TTK: variants seen among roughly 807,000 people sequenced by gnomAD.
TTK encodes the protein dual specificity protein kinase TTK.
A neutral mutation model predicts 117.3 loss-of-function variants in TTK; 59 were observed. The observed-to-expected ratio is 0.50, with a 90% CI of 0.41 to 0.62. The LOEUF is 0.62. Ranked by LOEUF, TTK falls within the 20% of genes least tolerant of loss-of-function variation. The pLI is 0.00. For missense variants in TTK, 921 were observed against 989.4 expected (o/e 0.93, Z 0.93); for synonymous variants, 302 against 325.0 (o/e 0.93, Z 0.76).
At chr6:80,016,113 T>G (rs1767300961) in intron 10 of TTK, among the ~76,000 whole-genome samples, 1 of 152,226 alleles carries the variant, frequency 6.6e-6, no homozygotes, top group African/African-American at 2.4e-5. Context: ...AGTGTAAATA[T>G]AGTATAATTT....
At chr6:80,018,705 T>C (rs528093215) in intron 10 of TTK, among the ~76,000 whole-genome samples, 1 of 152,204 alleles carries the variant, frequency 6.6e-6, no homozygotes, top group Non-Finnish European at 1.5e-5. Context: ...TTGTTATAAT[T>C]GCTATGACCT....
Position 80,007,992 on chromosome 6 carries a change from G to T in TTK, c.323G>T (p.Ser108Ile), listed in dbSNP as rs1391204580. The change falls in exon 3 of 22, where the codon AGT becomes ATT. Residue 108 changes from serine to isoleucine, a missense_variant. Coordinates refer to ENST00000369798, the MANE Select transcript of TTK (RefSeq NM_003318.5). ...CCAGATAAATATGGCCAAAATGAGA[G>T]TTTTGCTAGAATTCAAGTGAGATTT... ...LPPDKYGQNE[S>I]FARIQVRFAE... is the part of the protein sequence containing the mutation. 5.2e-5 allele frequency: 71 copies of T among 1,365,068 alleles called. No individual in the cohort carries two copies. The highest frequency in any genetic ancestry group is 3.7e-4 in the Middle Eastern group (2 of 5,426). The allele number at this position is 1,365,068 out of a possible 1,614,324, so 84.6% of individuals were successfully genotyped here. A position where few individuals can be genotyped will look rare whatever the true frequency, so the allele number is the denominator to read the frequency against.
chr6:80,030,217 CT>C (rs34781789), intron 13 of TTK, among the ~76,000 whole-genome samples: 1,590 of 152,238 alleles, frequency 0.01, 11 homozygotes, highest in Non-Finnish European at 0.017. Flanking sequence ...ATCAGGAGGT[CT>C]TTTTGTTTCA....
chr6:80,032,615 G>A (rs1767788480), intron 14 of TTK, among the ~76,000 whole-genome samples: 1 of 152,056 alleles, frequency 6.6e-6, no homozygotes, highest in Non-Finnish European at 1.5e-5. Flanking sequence ...GTAAATGGCA[G>A]CTTCATTCTT....
At chr6:80,012,075 G>T (rs889353003) in intron 8 of TTK, 95 bp downstream of exon 8, 9 of 943,170 alleles carry the variant, frequency 9.5e-6, no homozygotes, top group Non-Finnish European at 1.4e-5. Flanking sequence ...TAGTAATTAT[G>T]ATTAAATTTT....
In TTK at chr6:80,011,491, A is replaced by G. The variant is rs763982055; in HGVS notation, c.671A>G (p.Asn224Ser). The change falls in exon 6 of 22, where the codon AAT becomes AGT. Residue 224 changes from asparagine (N) to serine (S), a missense_variant. Transcript: ENST00000369798. Reference sequence around the variant, plus strand: ...TCCGGTTCACTTGGGCATTTACAGAATAGGAACAACAGTTGTGATTCCAGA... The same window carrying G: ...TCCGGTTCACTTGGGCATTTACAGAGTAGGAACAACAGTTGTGATTCCAGA... ...SFSGSLGHLQ[N>S]RNNSCDSRGQ... 4 of 1,610,326 alleles carry G rather than the reference A, an allele frequency of 2.5e-6. No homozygotes were observed. The Admixed American group carries it at 5.1e-5, about 20-fold the overall frequency.
At chr6:80,025,819 A>G (rs543646669) in intron 11 of TTK, among the ~76,000 whole-genome samples, 1 of 150,652 alleles carries the variant, frequency 6.6e-6, no homozygotes, top group Admixed American at 6.6e-5. Flanking sequence ...ATGTTCCTTC[A>G]TCATTGTTTG....
intron 13 of TTK, among the ~76,000 whole-genome samples, chr6:80,031,055 A>G (rs1367548110): frequency 1.3e-5 from 2 of 151,468 alleles, no homozygotes; most frequent in Admixed American, 6.6e-5. Flanking sequence ...AAAAAAAAAA[A>G]AAAAGAAAAG....
chr6:80,035,162 T>A lies in TTK; in HGVS notation c.1772+20T>A, dbSNP rs373242186. 162 of 1,536,678 alleles carry A rather than the reference T, an allele frequency of 1.1e-4. No individual in the cohort carries two copies. The African/African-American group carries it at 2.0e-3, about 19-fold the overall frequency. On this transcript the variant is annotated intron_variant, in intron 15 of 21. Transcript: ENST00000369798. ...TGATTAGTAAGAATTCTTTTTAAATTTAAAAAGAAAACTTTTTGCCATAAT... is the reference window on the plus strand; with the variant it reads ...TGATTAGTAAGAATTCTTTTTAAATATAAAAAGAAAACTTTTTGCCATAAT...
At chr6:80,035,660 A>G (rs556806072) in intron 16 of TTK, among the ~76,000 whole-genome samples, 48 of 152,270 alleles carry the variant, frequency 3.2e-4, no homozygotes, top group African/African-American at 1.1e-3. Context: ...TTTTCTCAGT[A>G]TTAACGTAGT....
chr6:80,025,875 T>C (rs956682485), intron 11 of TTK, among the ~76,000 whole-genome samples: 28 of 150,380 alleles, frequency 1.9e-4, no homozygotes, highest in South Asian at 4.2e-4. Flanking sequence ...TTTTTTTTTT[T>C]CCCAACAATG....
intron 14 of TTK, among the ~76,000 whole-genome samples, chr6:80,032,370 G>C (rs988968260): frequency 6.6e-6 from 1 of 152,128 alleles, no homozygotes; most frequent in East Asian, 1.9e-4. Context: ...ACTGCTCCGG[G>C]CTTAGTCCTC....
chr6:80,005,779 A>G, intron 1 of TTK, 63 bp from the exon 2 acceptor site: 3 of 1,564,046 alleles, frequency 1.9e-6, no homozygotes, highest in Middle Eastern at 1.9e-4. Context: ...CTAAAAAGCT[A>G]GTGCATTTTT....
chr6:80,031,783 T>C (rs979880082), intron 14 of TTK, among the ~76,000 whole-genome samples: 2 of 152,134 alleles, frequency 1.3e-5, no homozygotes, highest in African/African-American at 4.8e-5. Context: ...CCTTTCAATG[T>C]CCTGTGCTTC....
At chr6:80,020,070 A>G (rs1382860441) in intron 10 of TTK, among the ~76,000 whole-genome samples, 1 of 152,218 alleles carries the variant, frequency 6.6e-6, no homozygotes, top group Non-Finnish European at 1.5e-5. Flanking sequence ...AAACATGTCT[A>G]AACATGTATA....
chr6:80,034,610 A>C (rs1048062615), intron 14 of TTK, among the ~76,000 whole-genome samples: 16 of 152,188 alleles, frequency 1.1e-4, no homozygotes, highest in Non-Finnish European at 2.4e-4. Context: ...TTAAAGGAGC[A>C]AACTACTGCA....
At chr6:80,034,204 T>C (rs1301026491) in intron 14 of TTK, among the ~76,000 whole-genome samples, 1 of 152,178 alleles carries the variant, frequency 6.6e-6, no homozygotes, top group Non-Finnish European at 1.5e-5. Flanking sequence ...GTTTAGGCAG[T>C]GACCAACTTT....
chr6:80,042,190 G>A lies in TTK; in HGVS notation c.2562G>A (p.Arg854=), dbSNP rs749684621. 4 of 1,596,174 alleles carry A rather than the reference G, an allele frequency of 2.5e-6. No individual in the cohort carries two copies. The highest frequency in any genetic ancestry group is 3.4e-6 in the Non-Finnish European group (4 of 1,168,796). Residue 854 remains arginine, a synonymous_variant, in exon 22 of 22, where the codon AGG becomes AGA. Coordinates refer to ENST00000369798, the MANE Select transcript of TTK (RefSeq NM_003318.5). ...SSSSKTFEKK[R]GKK ...CCTCCAAGACTTTTGAAAAAAAAAG[G>A]GGAAAAAAATGATTTGCAGTTATTC...
At position 80,005,975 on chromosome 6, in the gene TTK, T is replaced by TA; in HGVS notation, c.133dup (p.Thr45AsnfsTer4). The TA allele has an allele frequency of 1.2e-6, 2 of 1,605,346 alleles. No individual in the cohort carries two copies. The highest frequency in any genetic ancestry group is 1.7e-6 in the Non-Finnish European group (2 of 1,178,068). On this transcript the variant is annotated frameshift_variant, in exon 2 of 22. Coordinates refer to ENST00000369798, the MANE Select transcript of TTK (RefSeq NM_003318.5). LOFTEE classifies it high-confidence loss of function. ...TAAGCTTGAATAAAATTTCTGCTGA[T>TA]ACTACAGGTGAGTTTTTCTTTTCTT... is the stretch of plus-strand genomic sequence containing the variant.
Sources: allele counts gnomAD v4.1 joint callset (sites outside exome capture counted in the v4.1 genomes callset), GRCh38; gene constraint gnomAD v4.1.1; transcripts MANE v1.5; gene names NCBI Gene and HGNC (gene_info 2026-07-23, HGNC 2026-07-21).